The following CNTNAP5 variants were observed in gnomAD, a reference collection of about 807,000 sequenced individuals.
CNTNAP5 encodes contactin-associated protein-like 5.
A neutral mutation model predicts 150.2 loss-of-function variants in CNTNAP5; 72 were observed. The observed-to-expected ratio is 0.48, with a 90% CI of 0.40 to 0.58. The LOEUF (loss-of-function observed/expected upper bound fraction) is 0.58, where lower values mean the gene tolerates loss of function less well. CNTNAP5 is among the 20% of genes least tolerant of loss of function. CNTNAP5 has a pLI of 0.00. For synonymous variants in CNTNAP5, 672 were observed against 619.8 expected (o/e 1.08, Z -1.25); for missense variants, 1,636 against 1,626.2 (o/e 1.01, Z -0.10).
In CNTNAP5 at chr2:124,570,920, T is replaced by C. The variant is rs188319614; in HGVS notation, c.1756+7597T>C. ...CTCACTCTGACAGCCTAGTGTCAAA[T>C]GCAGGCTCTACAAGTTACAAGATAT... On this transcript the variant is annotated intron_variant, in intron 11 of 23. Transcript: ENST00000682447. Among the ~76,000 whole-genome samples the C allele has an allele frequency of 3.8e-3, 576 of 152,326 alleles. 4 individuals carry two copies. The highest frequency in any genetic ancestry group is 0.013 in the African/African-American group (550 of 41,582).
intron 1 of CNTNAP5, among the ~76,000 whole-genome samples, chr2:124,147,220 A>G (rs956161731): frequency 1.3e-5 from 2 of 152,148 alleles, no homozygotes; most frequent in African/African-American, 2.4e-5. Flanking sequence ...CCAGAACATA[A>G]CTTCTTCTTT....
At chr2:124,635,598 T>C (rs767325988) in intron 12 of CNTNAP5, among the ~76,000 whole-genome samples, 5 of 152,214 alleles carry the variant, frequency 3.3e-5, no homozygotes, top group Non-Finnish European at 7.3e-5. Flanking sequence ...ATGAATACTT[T>C]TCCTGTTTGG....
intron 19 of CNTNAP5, among the ~76,000 whole-genome samples, chr2:124,851,882 A>G (rs893972482): frequency 1.3e-5 from 2 of 152,188 alleles, no homozygotes; most frequent in African/African-American, 4.8e-5. Flanking sequence ...ACCATTCAAA[A>G]GTAGGGTAAG....
intron 1 of CNTNAP5, among the ~76,000 whole-genome samples, chr2:124,148,990 A>G (rs1442496110): frequency 6.6e-6 from 1 of 152,162 alleles, no homozygotes; most frequent in Non-Finnish European, 1.5e-5. Flanking sequence ...GTGCATATAT[A>G]AGATGAGTGA....
intron 13 of CNTNAP5, among the ~76,000 whole-genome samples, chr2:124,686,940 T>A (rs1679205041): frequency 1.3e-5 from 2 of 152,112 alleles, no homozygotes; most frequent in African/African-American, 4.8e-5. Context: ...CCTGAAACGG[T>A]AGAAATGTTC....
At position 124,791,815 on chromosome 2, in the gene CNTNAP5, A is replaced by G. The variant is rs1035446557; in HGVS notation, c.2992+1674A>G. 6.9e-5 allele frequency among the ~76,000 whole-genome samples: 10 copies of G among 145,694 alleles called. No homozygotes were observed. In the Admixed American group the frequency reaches 7.2e-4, roughly 10 times the overall value. ...CATCTCTGTGCTCCCTCCCACTTTT[A>G]ATTATGATCTGCAAGTTACATAGGC... On this transcript the variant is annotated intron_variant, in intron 18 of 23. Transcript: ENST00000682447.
intron 1 of CNTNAP5, among the ~76,000 whole-genome samples, chr2:124,059,062 G>A (rs1282620533): frequency 6.6e-6 from 1 of 152,026 alleles, no homozygotes; most frequent in East Asian, 1.9e-4. Context: ...TAACAGCAAT[G>A]TTATTGGAAT....
intron 19 of CNTNAP5, among the ~76,000 whole-genome samples, chr2:124,811,707 G>GGGGA (rs958322308): frequency 1.9e-4 from 3 of 15,710 alleles, no homozygotes; most frequent in African/African-American, 7.0e-4. Flanking sequence ...TTTAGGAGGC[G>GGGGA]GGGGGGGTGG....
intron 1 of CNTNAP5, among the ~76,000 whole-genome samples, chr2:124,201,370 AAAG>A (rs1432783867): frequency 8.5e-5 from 13 of 152,250 alleles, no homozygotes; most frequent in Non-Finnish European, 1.2e-4. Flanking sequence ...GACATTCGAA[AAAG>A]AAGGAGAAGC....
At chr2:124,536,537 A>C (rs1259540233) in intron 10 of CNTNAP5, among the ~76,000 whole-genome samples, 1 of 152,102 alleles carries the variant, frequency 6.6e-6, no homozygotes, top group Non-Finnish European at 1.5e-5. Flanking sequence ...TACATAAGAC[A>C]ACCAATTCTT....
At chr2:124,066,305 T>C (rs946173697) in intron 1 of CNTNAP5, among the ~76,000 whole-genome samples, 1 of 152,220 alleles carries the variant, frequency 6.6e-6, no homozygotes, top group African/African-American at 2.4e-5. Context: ...AAAGCCAGAT[T>C]ACTTTTTGAA....
chr2:124,178,468 C>T (rs1380800914), intron 1 of CNTNAP5, among the ~76,000 whole-genome samples: 1 of 152,176 alleles, frequency 6.6e-6, no homozygotes, highest in Non-Finnish European at 1.5e-5. Context: ...ATAGTCTAAC[C>T]AACCTGATCA....
intron 3 of CNTNAP5, among the ~76,000 whole-genome samples, chr2:124,363,051 C>G (rs1690261430): frequency 6.6e-6 from 1 of 152,152 alleles, no homozygotes; most frequent in Non-Finnish European, 1.5e-5. Flanking sequence ...ATTAAGCAAG[C>G]AACACACAAG....
intron 19 of CNTNAP5, among the ~76,000 whole-genome samples, chr2:124,845,611 G>C (rs2104697658): frequency 6.6e-6 from 1 of 151,868 alleles, no homozygotes; most frequent in African/African-American, 2.4e-5. Flanking sequence ...AATCCACCTG[G>C]TCCTGGCCTT....
At chr2:124,040,437 G>T (rs1681336169) in intron 1 of CNTNAP5, among the ~76,000 whole-genome samples, 2 of 152,130 alleles carry the variant, frequency 1.3e-5, no homozygotes, top group Non-Finnish European at 2.9e-5. Context: ...TACAGGAAGA[G>T]ACATAAAATT....
chr2:124,307,890 A>C (rs1179979753), intron 3 of CNTNAP5, among the ~76,000 whole-genome samples: 1 of 152,156 alleles, frequency 6.6e-6, no homozygotes, highest in Admixed American at 6.6e-5. Flanking sequence ...TAGAAATGCC[A>C]AATTTCTAAT....
At chr2:124,622,794 A>C (rs6727845) in intron 12 of CNTNAP5, among the ~76,000 whole-genome samples, 63,217 of 152,020 alleles carry the variant, frequency 0.42, 14,857 homozygotes, top group Non-Finnish European at 0.54. Context: ...AAGCAAGCTG[A>C]GTTCAAGTTC....
intron 10 of CNTNAP5, among the ~76,000 whole-genome samples, chr2:124,549,439 A>G (rs1450095901): frequency 6.6e-6 from 1 of 152,234 alleles, no homozygotes; most frequent in Admixed American, 6.5e-5. Context: ...AGTTCTATCC[A>G]TAACAAATAA....
At chr2:124,438,641 A>C (rs925261292) in intron 5 of CNTNAP5, among the ~76,000 whole-genome samples, 10 of 152,150 alleles carry the variant, frequency 6.6e-5, no homozygotes, top group African/African-American at 2.4e-4. Context: ...ATGCCAGAGA[A>C]AGTTCTTTCC....
Sources: gnomAD v4.1 joint callset for allele counts (sites outside exome capture counted in the v4.1 genomes callset) on GRCh38, gnomAD v4.1.1 for gene constraint, MANE v1.5 for transcripts, NCBI Gene and HGNC (gene_info 2026-07-23, HGNC 2026-07-21) for gene names.